XKR9: variants seen among roughly 807,000 people sequenced by gnomAD.
XKR9 encodes XK related 9, also known as XK-related protein 9.
XKR9 carries 32 observed loss-of-function variants against 32.0 expected under a neutral mutation model. The observed-to-expected ratio is 1.00, with a 90% CI of 0.76 to 1.34. The LOEUF (loss-of-function observed/expected upper bound fraction) is 1.34. Ranked by LOEUF, XKR9 falls within the 40% of genes most tolerant of loss-of-function variation. The probability of loss-of-function intolerance (pLI) is 0.00; values close to 1 mark genes in which losing one functional copy is unlikely to be tolerated. For missense variants in XKR9, 546 were observed against 429.7 expected (o/e 1.27, Z -2.39); for synonymous variants, 168 against 143.4 (o/e 1.17, Z -1.22).
At chr8:70,906,036 A>G in the XKR9 span, among the ~76,000 whole-genome samples, 7 of 152,182 alleles carry the variant, frequency 4.6e-5, no homozygotes, top group Non-Finnish European at 8.8e-5. Context: ...TCAGTCGGCC[A>G]CTACTGGGAG....
chr8:70,885,336 T>C, the XKR9 span, among the ~76,000 whole-genome samples: 1 of 152,182 alleles, frequency 6.6e-6, no homozygotes, highest in Non-Finnish European at 1.5e-5. Flanking sequence ...ATGGGTTGAT[T>C]GATTTTCTGT....
the XKR9 span, among the ~76,000 whole-genome samples, chr8:70,971,748 TTTGTCAAAAATCAG>T: frequency 3.3e-5 from 5 of 152,306 alleles, no homozygotes; most frequent in South Asian, 6.2e-4. Flanking sequence ...TTTTGTTTGC[TTTGTCAAAAATCAG>T]TTGGGTGTAA....
At chr8:71,029,728 C>T in the XKR9 span, among the ~76,000 whole-genome samples, 2 of 151,792 alleles carry the variant, frequency 1.3e-5, no homozygotes, top group East Asian at 3.9e-4. Flanking sequence ...ACTCACAGTT[C>T]TCTTTGAACA....
At chr8:71,027,049 A>G in the XKR9 span, among the ~76,000 whole-genome samples, 1 of 152,218 alleles carries the variant, frequency 6.6e-6, no homozygotes, top group African/African-American at 2.4e-5. Context: ...TTTAATTCAA[A>G]TATGCTTGCA....
Position 70,707,129 on chromosome 8 carries a change from CATGGACAAGCG to C in XKR9, c.471_481del (p.His157GlnfsTer21), listed in dbSNP as rs776497091. ...TCTTCAACTCTACATTCTTCTGGAGCATGGACAAGCGAATTTCAGTCAGTGTAAGTTTTTCT... is the reference window on the plus strand; with the variant it reads ...TCTTCAACTCTACATTCTTCTGGAGCAATTTCAGTCAGTGTAAGTTTTTCT... On this transcript the variant is annotated frameshift_variant, in exon 4 of 5. Transcript: ENST00000408926. LOFTEE classifies it high-confidence loss of function. 2.1e-5 allele frequency: 34 copies of C among 1,612,758 alleles called. No homozygotes were observed. Among genetic ancestry groups the C allele is most frequent in the Non-Finnish European group, 2.6e-5 (31 of 1,179,138 alleles).
chr8:70,779,838 C>A (rs1807590486), intron 2 of XKR9, among the ~76,000 whole-genome samples: 1 of 151,952 alleles, frequency 6.6e-6, no homozygotes, highest in Non-Finnish European at 1.5e-5. Flanking sequence ...TTTGATTCTT[C>A]TCTCTTTTCT....
rs778824905 is a variant in XKR9, at chr8:70,706,981, C to T, written c.321C>T (p.Asp107=). ...GTTACCATGCAGCTTTTAAATATGA[C>T]AGCAATACTAGTAACTTCGTGGAAG... The part of the protein sequence containing the change: ...KRGYHAAFKY[D]SNTSNFVEEQ... Residue 107 remains aspartate, a synonymous_variant, in exon 4 of 5, where the codon GAC becomes GAT. Transcript: ENST00000408926. 2 of 1,613,202 alleles carry T rather than the reference C, an allele frequency of 1.2e-6. No individual in the cohort carries two copies. The highest frequency in any genetic ancestry group is 1.7e-6 in the Non-Finnish European group (2 of 1,179,384).
intron 2 of XKR9, among the ~76,000 whole-genome samples, chr8:70,778,340 G>A (rs1019923320): frequency 6.6e-6 from 1 of 152,104 alleles, no homozygotes; most frequent in African/African-American, 2.4e-5. Context: ...TGCTGTTTTG[G>A]TTACTGTAAC....
the XKR9 span, among the ~76,000 whole-genome samples, chr8:70,965,158 G>A: frequency 1.3e-5 from 2 of 151,634 alleles, no homozygotes; most frequent in African/African-American, 4.9e-5. Context: ...TAACATGAAG[G>A]GTTGTTGAAT....
the XKR9 span, among the ~76,000 whole-genome samples, chr8:70,990,469 T>C: frequency 6.6e-6 from 1 of 152,210 alleles, no homozygotes; most frequent in Non-Finnish European, 1.5e-5. Flanking sequence ...ATTTATATCT[T>C]TTGAAATAAA....
At chr8:70,994,511 T>A in the XKR9 span, among the ~76,000 whole-genome samples, 1 of 152,102 alleles carries the variant, frequency 6.6e-6, no homozygotes, top group Non-Finnish European at 1.5e-5. Context: ...TTTATTTAAA[T>A]TTTTAACCTC....
chr8:71,031,152 A>G, the XKR9 span, among the ~76,000 whole-genome samples: 1 of 152,202 alleles, frequency 6.6e-6, no homozygotes, highest in Non-Finnish European at 1.5e-5. Flanking sequence ...AGTTACTTGT[A>G]TAACATTTGC....
the XKR9 span, among the ~76,000 whole-genome samples, chr8:70,975,635 A>C: frequency 2.0e-5 from 3 of 152,030 alleles, no homozygotes; most frequent in African/African-American, 7.2e-5. Context: ...TGCTGTTTTG[A>C]TTACTGTAGC....
At chr8:70,862,467 G>A in the XKR9 span, among the ~76,000 whole-genome samples, 1 of 151,050 alleles carries the variant, frequency 6.6e-6, no homozygotes, top group African/African-American at 2.5e-5. Flanking sequence ...GTTTTTTCTT[G>A]TTGTTGTTAT....
At chr8:70,774,149 A>T (rs780215896) in intron 2 of XKR9, among the ~76,000 whole-genome samples, 4 of 152,184 alleles carry the variant, frequency 2.6e-5, no homozygotes, top group South Asian at 2.1e-4. Context: ...AGTGTCTGTC[A>T]TATACACTTA....
the XKR9 span, among the ~76,000 whole-genome samples, chr8:70,858,369 G>A: frequency 1.3e-5 from 2 of 152,128 alleles, no homozygotes; most frequent in Non-Finnish European, 2.9e-5. Flanking sequence ...ATTCACAATT[G>A]CTTCAAAGAG....
chr8:70,870,125 A>G, the XKR9 span, among the ~76,000 whole-genome samples: 1 of 152,212 alleles, frequency 6.6e-6, no homozygotes, highest in Non-Finnish European at 1.5e-5. Flanking sequence ...AAATCACATC[A>G]ATCTCTCTTG....
chr8:70,866,216 A>G, the XKR9 span, among the ~76,000 whole-genome samples: 5 of 152,214 alleles, frequency 3.3e-5, no homozygotes, highest in African/African-American at 1.2e-4. Flanking sequence ...AGATCTAGGC[A>G]CATGCCTAAA....
chr8:70,799,360 T>C, the XKR9 span, among the ~76,000 whole-genome samples: 1 of 152,216 alleles, frequency 6.6e-6, no homozygotes, highest in African/African-American at 2.4e-5. Flanking sequence ...AGACGGAGTC[T>C]CACTCTGTAG....
Sources: gnomAD v4.1 joint callset for allele counts (sites outside exome capture counted in the v4.1 genomes callset) on GRCh38, gnomAD v4.1.1 for gene constraint, MANE v1.5 for transcripts, NCBI Gene and HGNC (gene_info 2026-07-23, HGNC 2026-07-21) for gene names.